Variants in OCA2 observed in about 807,000 individuals in gnomAD.
OCA2 encodes the protein P protein.
OCA2 carries 77 observed loss-of-function variants against 100.2 expected under a neutral mutation model. The observed-to-expected ratio is 0.77, with a 90% CI of 0.64 to 0.93. OCA2 has a LOEUF of 0.93. Ranked by LOEUF, OCA2 falls within the 40% of genes least tolerant of loss-of-function variation. The pLI is 0.00. For synonymous variants in OCA2, 432 were observed against 439.2 expected, an observed-to-expected ratio of 0.98 and a Z score of 0.21; for missense variants, 1,062 against 1,089.1, an observed-to-expected ratio of 0.98 and a Z score of 0.35.
intron 19 of OCA2, among the ~76,000 whole-genome samples, chr15:27,919,717 C>G (rs1393218436): frequency 6.6e-6 from 1 of 152,086 alleles, no homozygotes; most frequent in East Asian, 1.9e-4. Flanking sequence ...TATACCTTGT[C>G]CAAACCCACA....
At chr15:27,757,889 T>C (rs1277304601) in intron 23 of OCA2, among the ~76,000 whole-genome samples, 2 of 152,158 alleles carry the variant, frequency 1.3e-5, no homozygotes, top group Non-Finnish European at 2.9e-5. Flanking sequence ...ACCTCCCTGG[T>C]GCATGAGTTG....
intron 18 of OCA2, among the ~76,000 whole-genome samples, chr15:27,943,652 T>C (rs2039728100): frequency 7.2e-6 from 1 of 138,842 alleles, no homozygotes; most frequent in Non-Finnish European, 1.5e-5. Context: ...ACATGTGCCC[T>C]AAAACTTAAA....
At chr15:27,795,216 C>A (rs1045323645) in intron 23 of OCA2, among the ~76,000 whole-genome samples, 2 of 152,202 alleles carry the variant, frequency 1.3e-5, no homozygotes, top group Non-Finnish European at 2.9e-5. Flanking sequence ...GTGCTCCAAC[C>A]CGTACTGAAC....
chr15:27,728,525 CTG>C, the OCA2 span, among the ~76,000 whole-genome samples: 1 of 152,204 alleles, frequency 6.6e-6, no homozygotes, highest in Non-Finnish European at 1.5e-5. Flanking sequence ...CAAGCTGGCA[CTG>C]TTCCTGCTGA....
At chr15:27,734,497 A>T in the OCA2 span, among the ~76,000 whole-genome samples, 1 of 152,112 alleles carries the variant, frequency 6.6e-6, no homozygotes, top group Non-Finnish European at 1.5e-5. Context: ...AGGCCCCAGC[A>T]CTGGGCCTGT....
intron 21 of OCA2, 80 bp downstream of exon 21, chr15:27,871,074 G>A: frequency 9.5e-7 from 1 of 1,053,410 alleles, no homozygotes; most frequent in East Asian, 2.4e-5. Flanking sequence ...TTCATCCTCT[G>A]CTGCCTTAGG....
At chr15:27,817,116 T>C (rs2034332474) in intron 23 of OCA2, among the ~76,000 whole-genome samples, 2 of 152,350 alleles carry the variant, frequency 1.3e-5, no homozygotes, top group Admixed American at 1.3e-4. Context: ...CCTATTTACC[T>C]GGAACCCACG....
intron 1 of OCA2, among the ~76,000 whole-genome samples, chr15:28,097,823 G>C (rs2045014047): frequency 6.6e-6 from 1 of 152,150 alleles, no homozygotes; most frequent in South Asian, 2.1e-4. Context: ...CCCCGGCCTG[G>C]CAACCACACT....
At chr15:27,931,880 T>C (rs2140420264) in intron 18 of OCA2, among the ~76,000 whole-genome samples, 1 of 152,260 alleles carries the variant, frequency 6.6e-6, no homozygotes, top group South Asian at 2.1e-4. Context: ...TGTCTCACAA[T>C]ATCAGGAAAC....
Position 28,087,383 on chromosome 15 carries a change from G to A in OCA2, c.-21-5488C>T, listed in dbSNP as rs968352655. Reference sequence around the variant, plus strand: ...CCAGCAGACCTACCCTGAAAGAATGGCTACAGGAAGTTCTCTAAATAGAAA... The same window carrying A: ...CCAGCAGACCTACCCTGAAAGAATGACTACAGGAAGTTCTCTAAATAGAAA... On this transcript the variant is annotated intron_variant, in intron 1 of 23. Coordinates refer to ENST00000354638, the MANE Select transcript of OCA2 (RefSeq NM_000275.3). Among the ~76,000 whole-genome samples, 8 of 152,276 alleles carry A rather than the reference G, an allele frequency of 5.3e-5. No homozygotes were observed. In the East Asian group the frequency reaches 1.5e-3, roughly 29 times the overall value.
In OCA2 at chr15:27,860,436, A is replaced by G. The variant is rs368455180; in HGVS notation, c.2245-8961T>C. ...ATAGTACCTGCTCGGTAGTTTTTCA[A>G]CCCTCGTCCTCATCCCTCACTCCTC... On this transcript the variant is annotated intron_variant, in intron 21 of 23. Transcript: ENST00000354638. 4.9e-4 allele frequency among the ~76,000 whole-genome samples: 75 copies of G among 152,150 alleles called. 2 individuals carry two copies. The East Asian group carries it at 9.9e-3, about 20-fold the overall frequency.
intron 23 of OCA2, among the ~76,000 whole-genome samples, chr15:27,779,843 CTT>C (rs953403105): frequency 6.6e-6 from 1 of 152,162 alleles, no homozygotes; most frequent in African/African-American, 2.4e-5. Context: ...TTTTGTCCCT[CTT>C]TTTCTCTCTT....
chr15:27,753,696 C>A (rs1446238489), downstream of OCA2, among the ~76,000 whole-genome samples: 1 of 151,662 alleles, frequency 6.6e-6, no homozygotes, highest in African/African-American at 2.4e-5. Flanking sequence ...GAGATCGCAC[C>A]ACTACACTCC....
rs1477557313 is a variant in OCA2, at chr15:27,957,119, C to T, written c.1784+469G>A. ...CAATTCATGGTTACCCTTTAAATCTCAGCTTCAATTAACAACGAATGCCAG... is the reference window on the plus strand; with the variant it reads ...CAATTCATGGTTACCCTTTAAATCTTAGCTTCAATTAACAACGAATGCCAG... On this transcript the variant is annotated intron_variant, in intron 16 of 23. Coordinates refer to ENST00000354638, the MANE Select transcript of OCA2 (RefSeq NM_000275.3). The surrounding 1 kb of genome is among the most constrained non-coding windows in gnomAD (Gnocchi z 4.3). Among the ~76,000 whole-genome samples, 2 of 152,240 alleles carry T rather than the reference C, an allele frequency of 1.3e-5. No homozygotes were observed. The highest frequency in any genetic ancestry group is 2.9e-5 in the Non-Finnish European group (2 of 68,054).
At chr15:27,721,107 G>A in the OCA2 span, among the ~76,000 whole-genome samples, 1 of 152,144 alleles carries the variant, frequency 6.6e-6, no homozygotes, top group Non-Finnish European at 1.5e-5. Flanking sequence ...CTTGTGTTGT[G>A]CTCTTTGTTA....
chr15:27,850,161 C>T (rs1399650547), intron 22 of OCA2, among the ~76,000 whole-genome samples: 1 of 152,166 alleles, frequency 6.6e-6, no homozygotes, highest in Non-Finnish European at 1.5e-5. Context: ...GCTCACGAGG[C>T]CTGTCACTCT....
At chr15:27,854,909 T>A (rs2035897437) in intron 21 of OCA2, among the ~76,000 whole-genome samples, 1 of 152,232 alleles carries the variant, frequency 6.6e-6, no homozygotes, top group African/African-American at 2.4e-5. Flanking sequence ...CATTGCAGTA[T>A]CAAGGGAGGA....
intron 6 of OCA2, among the ~76,000 whole-genome samples, chr15:28,019,331 A>C (rs2042514193): frequency 7.0e-6 from 1 of 143,810 alleles, no homozygotes; most frequent in African/African-American, 2.4e-5. Context: ...GAGGAAGAGA[A>C]AGGAGAGCGG....
At position 27,930,585 on chromosome 15, in the gene OCA2, TGAGA is replaced by T. The variant is rs374080999; in HGVS notation, c.1952-4335_1952-4332del. Among the ~76,000 whole-genome samples the T allele has an allele frequency of 6.9e-4, 98 of 141,236 alleles. 2 individuals carry two copies. Among genetic ancestry groups the T allele is most frequent in the African/African-American group, 2.3e-3 (93 of 40,988 alleles). The allele number at this position is 141,236 out of a possible 152,430, so 92.7% of individuals were successfully genotyped here. On this transcript the variant is annotated intron_variant, in intron 18 of 23. Coordinates refer to ENST00000354638, the MANE Select transcript of OCA2 (RefSeq NM_000275.3). The stretch of plus-strand genomic sequence containing the variant: ...CCACAACCCAGTCATTTAGTATTTG[TGAGA>T]GAGAGTGTCTGGCTAAAAAGCCTCA...
Sources: gnomAD v4.1 joint callset for allele counts (sites outside exome capture counted in the v4.1 genomes callset) on GRCh38, gnomAD v4.1.1 for gene constraint, Gnocchi (gnomAD v3.1) non-coding constraint, MANE v1.5 for transcripts, NCBI Gene and HGNC (gene_info 2026-07-23, HGNC 2026-07-21) for gene names.